The following PHIP variants were observed in gnomAD, a reference collection of about 807,000 sequenced individuals.
PHIP encodes the protein PH-interacting protein.
In PHIP, 54 loss-of-function variants were observed where a neutral mutation model predicts 236.8. The ratio of observed to expected loss-of-function variants is 0.23; its 90% CI spans 0.18 to 0.29. The LOEUF is 0.29. Among genes scored for constraint, PHIP ranks in the 10% least tolerant of loss-of-function variants. The pLI, the probability that PHIP is intolerant of heterozygous loss-of-function variation, is 1.00. For missense variants in PHIP, 1,370 were observed against 2,190.8 expected (o/e 0.63, Z 7.48); for synonymous variants, 756 against 718.9 (o/e 1.05, Z -0.83).
chr6:78,961,668 A>G (rs535756546), intron 31 of PHIP, 22 bp downstream of exon 31: 2 of 1,607,720 alleles, frequency 1.2e-6, no homozygotes, highest in East Asian at 4.5e-5. Flanking sequence ...CTTTGATAGT[A>G]GCTACATCAA....
intron 19 of PHIP, among the ~76,000 whole-genome samples, chr6:78,993,658 A>G (rs1769415914): frequency 6.6e-6 from 1 of 152,224 alleles, no homozygotes; most frequent in Non-Finnish European, 1.5e-5. Flanking sequence ...GAATATTTTT[A>G]GCCCACTGTT....
chr6:79,043,500 A>G (rs1442750675), intron 6 of PHIP, among the ~76,000 whole-genome samples: 1 of 152,156 alleles, frequency 6.6e-6, no homozygotes, highest in Non-Finnish European at 1.5e-5. Context: ...ATAAAGGAAT[A>G]CGTCATTTGC....
At chr6:78,967,808 C>T (rs901788048) in intron 27 of PHIP, among the ~76,000 whole-genome samples, 3 of 152,006 alleles carry the variant, frequency 2.0e-5, no homozygotes, top group Non-Finnish European at 2.9e-5. Context: ...TTATTTGTTC[C>T]GCAATTTATT....
chr6:79,005,604 A>G (rs1770246336), intron 15 of PHIP, among the ~76,000 whole-genome samples: 1 of 152,038 alleles, frequency 6.6e-6, no homozygotes, highest in Non-Finnish European at 1.5e-5. Context: ...AAAATTTCAC[A>G]GAAGCCAAGA....
chr6:79,059,990 A>C (rs1446024624), intron 6 of PHIP, among the ~76,000 whole-genome samples: 3 of 152,044 alleles, frequency 2.0e-5, no homozygotes, highest in Non-Finnish European at 4.4e-5. Flanking sequence ...ATGCTGTATT[A>C]ATCCGGGTAA....
At chr6:79,008,744 C>T (rs1420044750) in intron 15 of PHIP, among the ~76,000 whole-genome samples, 2 of 152,132 alleles carry the variant, frequency 1.3e-5, no homozygotes, top group Non-Finnish European at 2.9e-5. Context: ...CCTAGCCCCT[C>T]TAAGTAGTCT....
At position 78,978,672 on chromosome 6, in the gene PHIP, A is replaced by C; in HGVS notation, c.2809T>G (p.Leu937Val). Reference sequence around the variant, plus strand: ...CATGTTGATGGCAACCATTCTTCTAATGTCAAACCATTTTCAGTTAGTTCT... The same window carrying C: ...CATGTTGATGGCAACCATTCTTCTACTGTCAAACCATTTTCAGTTAGTTCT... ...VGELTENGLT[L>V]EEWLPSTWIT... The change falls in exon 24 of 40, where the codon TTA becomes GTA. Residue 937 changes from leucine (L) to valine (V), a missense_variant. Leu to Val is a conservative substitution (Grantham distance 32, BLOSUM62 1). Transcript: ENST00000275034. 6.3e-7 allele frequency: 1 copy of C among 1,594,858 alleles called. No individual in the cohort carries two copies. Among genetic ancestry groups the C allele is most frequent in the Non-Finnish European group, 8.6e-7 (1 of 1,166,660 alleles).
chr6:79,063,176 C>T (rs1272235805), intron 4 of PHIP, among the ~76,000 whole-genome samples: 1 of 152,106 alleles, frequency 6.6e-6, no homozygotes, highest in Non-Finnish European at 1.5e-5. Context: ...TGTCTGTGTC[C>T]TGCATAAGGA....
intron 7 of PHIP, among the ~76,000 whole-genome samples, chr6:79,040,900 G>C (rs977054309): frequency 5.0e-5 from 7 of 138,896 alleles, no homozygotes; most frequent in Admixed American, 7.3e-5. Flanking sequence ...TTTAGACTTT[G>C]GTAAGACCAT....
At chr6:79,015,041 CA>C (rs764296060) in intron 15 of PHIP, 40 bp downstream of exon 15, 7 of 1,554,100 alleles carry the variant, frequency 4.5e-6, no homozygotes, top group Non-Finnish European at 6.2e-6. Flanking sequence ...AAAAAGCTCC[CA>C]AATCTTTAGT....
intron 19 of PHIP, among the ~76,000 whole-genome samples, chr6:78,992,088 G>A (rs560683953): frequency 1.3e-4 from 19 of 150,268 alleles, no homozygotes; most frequent in African/African-American, 3.4e-4. Flanking sequence ...TCAGCCTCCC[G>A]AGTAGCTGGG....
intron 35 of PHIP, among the ~76,000 whole-genome samples, chr6:78,951,535 G>A (rs113850588): frequency 0.021 from 3,207 of 152,196 alleles, 104 homozygotes; most frequent in African/African-American, 0.065. Flanking sequence ...TAGATTATCC[G>A]AAGTTTTCTT....
At chr6:78,977,388 CG>C (rs1262243340) in intron 24 of PHIP, among the ~76,000 whole-genome samples, 1 of 142,460 alleles carries the variant, frequency 7.0e-6, no homozygotes, top group South Asian at 2.4e-4. Context: ...GGGTGGGGGA[CG>C]GGGGAGGGAT....
Position 79,025,510 on chromosome 6 carries a change from G to C in PHIP, c.923+9C>G, listed in dbSNP as rs1250134932. 1 of 1,515,426 alleles carries C rather than the reference G, an allele frequency of 6.6e-7. No individual in the cohort carries two copies. Among genetic ancestry groups the C allele is most frequent in the Admixed American group, 1.7e-5 (1 of 59,392 alleles). The allele number at this position is 1,515,426 out of a possible 1,614,324, so 93.9% of individuals were successfully genotyped here. ...CACATTTAATCTATGAAATAAAATA[G>C]AAACTGACTTTATTTTAAGGGTTCC... On this transcript the variant is annotated intron_variant, in intron 9 of 39. Coordinates refer to ENST00000275034, the MANE Select transcript of PHIP (RefSeq NM_017934.7).
intron 31 of PHIP, among the ~76,000 whole-genome samples, chr6:78,959,374 A>G (rs1766621245): frequency 6.6e-6 from 1 of 152,162 alleles, no homozygotes; most frequent in South Asian, 2.1e-4. Context: ...TGCATTTCAA[A>G]TAGATTCACA....
intron 39 of PHIP, among the ~76,000 whole-genome samples, chr6:78,942,166 TG>T (rs992009828): frequency 6.6e-6 from 1 of 152,160 alleles, no homozygotes; most frequent in African/African-American, 2.4e-5. Flanking sequence ...GGTCACAGGT[TG>T]GAACTGTACT....
chr6:78,939,174 A>C lies in PHIP; in HGVS notation c.*1519T>G, dbSNP rs1026682374. The C allele has an allele frequency of 8.6e-5, 13 of 151,810 alleles. No individual in the cohort carries two copies. The highest frequency in any genetic ancestry group is 1.9e-4 in the Non-Finnish European group (13 of 67,724). 9.4% of individuals were successfully genotyped at this position (151,810 alleles called of 1,614,324 possible). The stretch of plus-strand genomic sequence containing the variant: ...ATAACTAACTGTACCATAAACAAAT[A>C]AATAACTGCTTTCCTTTTCCATAGC... On this transcript the variant is annotated 3_prime_UTR_variant, in exon 40 of 40. Transcript: ENST00000275034.
At chr6:78,956,271 T>C (rs1766410732) in intron 32 of PHIP, 1 of 152,170 alleles carries the variant, frequency 6.6e-6, no homozygotes. Context: ...TTCATTATTC[T>C]TTCCCTTTCC....
chr6:78,968,995 T>C (rs1767341581), intron 27 of PHIP, among the ~76,000 whole-genome samples: 1 of 152,228 alleles, frequency 6.6e-6, no homozygotes, highest in East Asian at 1.9e-4. Context: ...TTTCCTGTTC[T>C]GGACTTCCTG....
Sources: allele counts gnomAD v4.1 joint callset (sites outside exome capture counted in the v4.1 genomes callset), GRCh38; gene constraint gnomAD v4.1.1; transcripts MANE v1.5; gene names NCBI Gene and HGNC (gene_info 2026-07-23, HGNC 2026-07-21).